Variants in RGS5 observed in about 807,000 individuals in gnomAD.
RGS5 encodes regulator of G protein signaling 5, also known as regulator of G-protein signalling 5.
Under a neutral mutation model 18.9 loss-of-function variants are expected in RGS5, and 20 were observed. The ratio of observed to expected loss-of-function variants is 1.06; its 90% confidence interval spans 0.74 to 1.54. The LOEUF is 1.54. RGS5 is among the 40% of genes most tolerant of loss of function. The pLI, the probability that RGS5 is intolerant of heterozygous loss-of-function variation, is 0.00. For synonymous variants in RGS5, 57 were observed against 76.2 expected (o/e 0.75, Z 1.31); for missense variants, 201 against 211.8 (o/e 0.95, Z 0.32).
In RGS5 at chr1:163,168,214, C is replaced by A. The variant is rs536569823; in HGVS notation, c.155+44G>T. 2.1e-5 allele frequency: 30 copies of A among 1,402,952 alleles called. 1 individual carries two copies. The South Asian group carries it at 3.4e-4, about 16-fold the overall frequency. The allele number at this position is 1,402,952 out of a possible 1,614,324, so 86.9% of individuals were successfully genotyped here. On this transcript the variant is annotated intron_variant, in intron 2 of 4. Coordinates refer to ENST00000313961, the MANE Select transcript of RGS5 (RefSeq NM_003617.4). ...ATGGTGCTAAACACTTGGAAAATAG[C>A]CATCCTCTGGAGGAAATGAGTGGAA...
At chr1:163,253,466 G>A (rs1489846748) in intron 2 of RGS5, among the ~76,000 whole-genome samples, 8 of 141,174 alleles carry the variant, frequency 5.7e-5, no homozygotes, top group African/African-American at 2.5e-5. Context: ...ACGCCACCAT[G>A]CCCAACTTTT....
In RGS5 at chr1:163,142,905, A is replaced by T. The variant is rs1292151838; in HGVS notation, c.*4437T>A. The T allele has an allele frequency of 6.6e-6, 1 of 152,224 alleles. No homozygotes were observed. The allele number at this position is 152,224 out of a possible 1,614,324, so 9.4% of individuals were successfully genotyped here. A position where few individuals can be genotyped will look rare whatever the true frequency, so the allele number is the denominator to read the frequency against. Reference sequence around the variant, plus strand: ...ATAAATGTTGAAGAGGCTGATTTGTAGTTTCTCTACTAGAAAAATAATAAG... The same window carrying T: ...ATAAATGTTGAAGAGGCTGATTTGTTGTTTCTCTACTAGAAAAATAATAAG... On this transcript the variant is annotated 3_prime_UTR_variant, in exon 5 of 5. Transcript: ENST00000313961.
chr1:163,199,031 A>G (rs966979584), intron 1 of RGS5, among the ~76,000 whole-genome samples: 11 of 152,148 alleles, frequency 7.2e-5, no homozygotes, highest in Non-Finnish European at 1.5e-4. Flanking sequence ...ATTTACTTTA[A>G]AATTTAAACT....
intron 1 of RGS5, among the ~76,000 whole-genome samples, chr1:163,191,260 C>A (rs1189763114): frequency 6.6e-6 from 1 of 151,742 alleles, no homozygotes; most frequent in Non-Finnish European, 1.5e-5. Flanking sequence ...TGGAGGGCTA[C>A]AAATGGGTCT....
At chr1:163,166,299 G>C (rs1326772813) in intron 2 of RGS5, among the ~76,000 whole-genome samples, 1 of 148,256 alleles carries the variant, frequency 6.7e-6, no homozygotes. Context: ...GTTTTTAAAA[G>C]TGAGAACTCA....
chr1:163,274,109 C>G (rs1446433781), intron 2 of RGS5, among the ~76,000 whole-genome samples: 1 of 152,060 alleles, frequency 6.6e-6, no homozygotes, highest in African/African-American at 2.4e-5. Flanking sequence ...GCTCCTAAAC[C>G]CTTAAAATTT....
At chr1:163,215,875 G>T (rs12402178) in intron 1 of RGS5, among the ~76,000 whole-genome samples, 2 of 151,152 alleles carry the variant, frequency 1.3e-5, no homozygotes, top group Non-Finnish European at 3.0e-5. Context: ...GAACAGCCTG[G>T]GAAACATAGT....
At chr1:163,275,632 GGTT>G (rs1394688350) in intron 2 of RGS5, among the ~76,000 whole-genome samples, 5 of 152,080 alleles carry the variant, frequency 3.3e-5, no homozygotes, top group African/African-American at 4.8e-5. Context: ...TGGAAACTTG[GGTT>G]ATTTCCAGAG....
intron 1 of RGS5, among the ~76,000 whole-genome samples, chr1:163,200,471 G>A (rs186469491): frequency 7.2e-4 from 110 of 152,172 alleles, no homozygotes; most frequent in Admixed American, 1.9e-3. Flanking sequence ...GAGCCTGTGT[G>A]GGGGAGGAAG....
At chr1:163,206,252 C>T (rs972468384), upstream of RGS5, among the ~76,000 whole-genome samples, 12 of 152,194 alleles carry the variant, frequency 7.9e-5, no homozygotes, top group African/African-American at 2.9e-4. Flanking sequence ...AACTTCCCAG[C>T]TTCCAGGGCT....
In RGS5 at chr1:163,309,075, TG is replaced by T. The variant is rs879931949; in HGVS notation, c.-377-2747del. On this transcript the variant is annotated intron_variant, in intron 1 of 5. Coordinates refer to the RGS5 transcript ENST00000618415. The stretch of plus-strand genomic sequence containing the variant: ...TCAGGGTGATGACTGATAGGCTGGG[TG>T]TAGTGGTTCATGCCTGTAATCCCAG... Among the ~76,000 whole-genome samples the T allele has an allele frequency of 8.7e-3, 584 of 66,894 alleles. 7 individuals are homozygous for T. Among genetic ancestry groups the T allele is most frequent in the Non-Finnish European group, 0.02 (460 of 23,344 alleles). The allele number at this position is 66,894 out of a possible 152,430, so 43.9% of individuals were successfully genotyped here.
At chr1:163,196,404 A>T (rs1320209684) in intron 1 of RGS5, among the ~76,000 whole-genome samples, 1 of 152,190 alleles carries the variant, frequency 6.6e-6, no homozygotes, top group Non-Finnish European at 1.5e-5. Context: ...CTATCCCGTA[A>T]TATTGTGTAG....
At chr1:163,319,354 A>C (rs761816911) in intron 1 of RGS5, 23 of 152,248 alleles carry the variant, frequency 1.5e-4, no homozygotes, top group Non-Finnish European at 2.6e-4. Context: ...GCAGATGCAT[A>C]CGAATGTGTT....
In RGS5 at chr1:163,209,687, A is replaced by G. The variant is rs141893916; in HGVS notation, c.69+7839T>C. ...TATGTCCTCTAATTAATTTCTTATT[A>G]AGTGTATATTTTGATACCTCACTGA... On this transcript the variant is annotated intron_variant, in intron 1 of 5. Transcript: ENST00000367903. Among the ~76,000 whole-genome samples the G allele has an allele frequency of 1.8e-3, 273 of 152,228 alleles. 1 individual carries two copies. The highest frequency in any genetic ancestry group is 6.2e-3 in the African/African-American group (259 of 41,562).
At chr1:163,220,044 T>C (rs1363804384), upstream of RGS5, among the ~76,000 whole-genome samples, 1 of 152,214 alleles carries the variant, frequency 6.6e-6, no homozygotes, top group African/African-American at 2.4e-5. Context: ...TATAAAACTT[T>C]CACTTGTTCT....
intron 2 of RGS5, among the ~76,000 whole-genome samples, chr1:163,229,227 C>G (rs1647409591): frequency 6.6e-6 from 1 of 152,098 alleles, no homozygotes; most frequent in Non-Finnish European, 1.5e-5. Flanking sequence ...GCTGGGGAGG[C>G]CTCAGGAAAC....
At position 163,181,016 on chromosome 1, in the gene RGS5, C is replaced by T. The variant is rs538283570; in HGVS notation, c.45-12648G>A. Among the ~76,000 whole-genome samples, 15 of 152,114 alleles carry T rather than the reference C, an allele frequency of 9.9e-5. No homozygotes were observed. In the East Asian group the frequency reaches 2.7e-3, roughly 28 times the overall value. On this transcript the variant is annotated intron_variant, in intron 1 of 4. Coordinates refer to ENST00000313961, the MANE Select transcript of RGS5 (RefSeq NM_003617.4). ...CCCCCCTGTTCTTATCCCTAGCAAC[C>T]GCTGATCTGTTCTCCATCCTTATAG...
At chr1:163,276,331 T>A (rs1184630966) in intron 2 of RGS5, among the ~76,000 whole-genome samples, 2 of 152,090 alleles carry the variant, frequency 1.3e-5, no homozygotes, top group Non-Finnish European at 2.9e-5. Flanking sequence ...CATAAAGAAT[T>A]TCCTGCTTCC....
intron 2 of RGS5, among the ~76,000 whole-genome samples, chr1:163,303,835 A>T (rs1373830456): frequency 6.6e-6 from 1 of 152,142 alleles, no homozygotes; most frequent in Non-Finnish European, 1.5e-5. Flanking sequence ...CCTATTGCAA[A>T]CTGCTCATGC....
Sources: allele counts gnomAD v4.1 joint callset (sites outside exome capture counted in the v4.1 genomes callset), GRCh38; gene constraint gnomAD v4.1.1; transcripts MANE v1.5; gene names NCBI Gene and HGNC (gene_info 2026-07-23, HGNC 2026-07-21).